The following DPP7 variants were observed in gnomAD, a reference collection of about 807,000 sequenced individuals.
DPP7 encodes dipeptidyl peptidase 2.
DPP7 carries 74 observed loss-of-function variants against 58.8 expected under a neutral mutation model. That is an observed-to-expected ratio of 1.26 (90% CI 1.04 to 1.53). DPP7 has a LOEUF of 1.53. DPP7 is among the 40% of genes most tolerant of loss of function. DPP7 has a pLI of 0.00. For missense variants in DPP7, 807 were observed against 692.3 expected (o/e 1.17, Z -1.86); for synonymous variants, 350 against 303.6 (o/e 1.15, Z -1.59).
Position 137,110,734 on chromosome 9 carries a change from C to T in DPP7, c.1393G>A (p.Glu465Lys), listed in dbSNP as rs1040290823. The T allele has an allele frequency of 1.9e-6, 3 of 1,607,070 alleles. No homozygotes were observed. Among genetic ancestry groups the T allele is most frequent in the Non-Finnish European group, 2.5e-6 (3 of 1,179,922 alleles). ...ACCCACTCGCCGATGATGGTGGCCT[C>T]CAGCTTCCGCGCCTCAACCACGGAA... is the stretch of plus-strand genomic sequence containing the variant. Reference protein sequence around the residue: ...PASVVEARKLEATIIGEWVKA... With the variant: ...PASVVEARKLKATIIGEWVKA... The change falls in exon 13 of 13, where the codon GAG (glutamate) becomes AAG (lysine). Residue 465 changes from glutamate to lysine, a missense_variant. Glu to Lys is a moderately conservative substitution (Grantham distance 56). This residue lies in a region of DPP7 where 624 missense variants were observed against 531.2 expected (regional missense o/e 1.17). Transcript: ENST00000371579.
At chr9:137,114,173 CCCCCGCCCGCGA>C (rs1249823420) in intron 3 of DPP7, 58 bp downstream of exon 3, 11 of 521,442 alleles carry the variant, frequency 2.1e-5, no homozygotes, top group Admixed American at 1.3e-4. Flanking sequence ...TGCCCCGCGA[CCCCCGCCCGCGA>C]CCCCGCCCGG....
Position 137,113,001 on chromosome 9 carries a change from G to A in DPP7, c.822C>T (p.Tyr274=), listed in dbSNP as rs759225356. Residue 274 remains tyrosine (Y), a synonymous_variant, in exon 7 of 13, where the codon TAC becomes TAT. Transcript: ENST00000371579. ...GACCCAGGAAGTCAGTGGGGTAGGGGTAGTCCATCATGGCCAGCACGGTGA... is the reference window on the plus strand; with the variant it reads ...GACCCAGGAAGTCAGTGGGGTAGGGATAGTCCATCATGGCCAGCACGGTGA... The part of the protein sequence containing the change: ...NAFTVLAMMD[Y]PYPTDFLGPL... 4 of 1,613,744 alleles carry A rather than the reference G, an allele frequency of 2.5e-6. No homozygotes were observed. Among genetic ancestry groups the A allele is most frequent in the Non-Finnish European group, 3.4e-6 (4 of 1,180,024 alleles).
Position 137,114,556 on chromosome 9 carries a change from C to CG in DPP7, c.87dup (p.Gly30ArgfsTer181). ...TGCTGGAAGAAGCGCTCCTGGAAGC[C>CG]GGGGTCCGGGGCCCTGCGGGCTGTG... On this transcript the variant is annotated frameshift_variant, in exon 2 of 13. Transcript: ENST00000371579. LOFTEE classifies it high-confidence loss of function. 1 of 1,558,828 alleles carries CG rather than the reference C, an allele frequency of 6.4e-7. No individual in the cohort carries two copies. The highest frequency in any genetic ancestry group is 8.7e-7 in the Non-Finnish European group (1 of 1,153,776).
At chr9:137,111,563 C>T (rs1831366332) in intron 11 of DPP7, 127 bp downstream of exon 11, 1 of 1,025,214 alleles carries the variant, frequency 9.8e-7, no homozygotes, top group African/African-American at 1.6e-5. Context: ...GCTTGAGCCT[C>T]AGAGGTCAAG....
chr9:137,118,128 C>T (rs1175728320), upstream of DPP7, among the ~76,000 whole-genome samples: 2 of 152,132 alleles, frequency 1.3e-5, no homozygotes, highest in South Asian at 4.2e-4. Flanking sequence ...GCTGAGATTA[C>T]AGGCACCCAC....
rs149969014 is a variant in DPP7, at chr9:137,110,924, G to C, written c.1299C>G (p.Val433=). The change falls in exon 12 of 13, where the codon GTC becomes GTG. Residue 433 remains valine, a synonymous_variant. Transcript: ENST00000371579. ...GGIRRNLSAS[V]IAVTIQGGAH... is the part of the protein sequence containing the mutation. ...CTCCCCCCTGGATGGTGACGGCGAT[G>C]ACTGAGGCACTCAGGTTCCTCCGAA... The C allele has an allele frequency of 3.8e-4, 615 of 1,613,126 alleles. 5 individuals carry two copies. The East Asian group carries it at 4.9e-3, about 13-fold the overall frequency.
Position 137,112,725 on chromosome 9 carries a change from T to G in DPP7, c.931+20A>C, listed in dbSNP as rs760136963. Reference sequence around the variant, plus strand: ...CCTGGGGTCTCCACACTTGCCCATCTGGGGCCGGGGGAAGGGCACCTGCCA... The same window carrying G: ...CCTGGGGTCTCCACACTTGCCCATCGGGGGCCGGGGGAAGGGCACCTGCCA... On this transcript the variant is annotated intron_variant, in intron 8 of 12. Coordinates refer to ENST00000371579, the MANE Select transcript of DPP7 (RefSeq NM_013379.3). The G allele has an allele frequency of 1.3e-6, 2 of 1,587,880 alleles. No homozygotes were observed. The highest frequency in any genetic ancestry group is 4.6e-5 in the East Asian group (2 of 43,828).
At chr9:137,117,879 T>C (rs1358553864), upstream of DPP7, among the ~76,000 whole-genome samples, 1 of 152,156 alleles carries the variant, frequency 6.6e-6, no homozygotes, top group Admixed American at 6.5e-5. Context: ...CAGTAGAAAC[T>C]GTAGCCATTA....
chr9:137,113,715 C>T (rs1420999295), intron 4 of DPP7, 150 bp downstream of exon 4: 21 of 1,420,798 alleles, frequency 1.5e-5, no homozygotes, highest in East Asian at 2.5e-5. Flanking sequence ...GGGAGGGCTT[C>T]CTGGGGGAGG....
In DPP7 at chr9:137,112,742, C is replaced by T. The variant is rs745622423; in HGVS notation, c.931+3G>A. 2 of 1,598,778 alleles carry T rather than the reference C, an allele frequency of 1.3e-6. No homozygotes were observed. Among genetic ancestry groups the T allele is most frequent in the Admixed American group, 1.7e-5 (1 of 58,452 alleles). On this transcript the variant is annotated splice_donor_region_variant and intron_variant, in intron 8 of 12. Transcript: ENST00000371579. Reference sequence around the variant, plus strand: ...TGCCCATCTGGGGCCGGGGGAAGGGCACCTGCCAGTGCTCGCAGCCCCGTG... The same window carrying T: ...TGCCCATCTGGGGCCGGGGGAAGGGTACCTGCCAGTGCTCGCAGCCCCGTG...
rs1831512532 is a variant in DPP7 at position 137,114,033 on chromosome 9, G to A, written c.322-5C>T. The A allele has an allele frequency of 6.9e-7, 1 of 1,454,178 alleles. No homozygotes were observed. The highest frequency in any genetic ancestry group is 2.1e-4 in the Middle Eastern group (1 of 4,792). 90.1% of individuals were successfully genotyped at this position (1,454,178 alleles called of 1,614,324 possible). A position where few individuals can be genotyped will look rare whatever the true frequency, so the allele number is the denominator to read the frequency against. The stretch of plus-strand genomic sequence containing the variant: ...CAGCGACTTCCCGTAGTAGCGCTGG[G>A]GGAACGTGCCATTGAGCCCGGCCCC... On this transcript the variant is annotated splice_region_variant and splice_polypyrimidine_tract_variant and intron_variant, in intron 3 of 12. Coordinates refer to ENST00000371579, the MANE Select transcript of DPP7 (RefSeq NM_013379.3).
chr9:137,117,190 AG>A (rs993654691), upstream of DPP7, among the ~76,000 whole-genome samples: 5 of 152,302 alleles, frequency 3.3e-5, no homozygotes, highest in African/African-American at 9.6e-5. Flanking sequence ...CCACCTGACG[AG>A]AAACACCCAC....
intron 4 of DPP7, 83 bp downstream of exon 4, chr9:137,113,782 C>G: frequency 7.5e-7 from 1 of 1,331,774 alleles, no homozygotes; most frequent in Non-Finnish European, 9.7e-7. Context: ...CGGTGGGAGT[C>G]AGAGGGGAGT....
At chr9:137,115,593 C>G (rs914523585), upstream of DPP7, among the ~76,000 whole-genome samples, 1 of 152,156 alleles carries the variant, frequency 6.6e-6, no homozygotes, top group African/African-American at 2.4e-5. Context: ...CCCAAGACTA[C>G]CCTCGGCCAG....
chr9:137,113,376 G>A lies in DPP7; in HGVS notation c.606C>T (p.Phe202=), dbSNP rs762465172. ...CCTCACTCACCGCCGTGACGTCCCG[G>A]AAGAACTGGTTGGAGTCGCCGAGGC... ...VAGLGDSNQF[F]RDVTADFEGQ... Residue 202 remains phenylalanine, a synonymous_variant, in exon 5 of 13, where the codon TTC becomes TTT. Transcript: ENST00000371579. 2.5e-6 allele frequency: 4 copies of A among 1,610,658 alleles called. No homozygotes were observed. Among genetic ancestry groups the A allele is most frequent in the African/African-American group, 2.7e-5 (2 of 74,854 alleles).
chr9:137,112,556 A>C (rs1831423503), intron 8 of DPP7, 189 bp downstream of exon 8: 5 of 749,416 alleles, frequency 6.7e-6, no homozygotes, highest in Non-Finnish European at 1.1e-5. Flanking sequence ...CAGTGCTGAG[A>C]GGGTCCCCAG....
rs768486877 is a variant in DPP7, at chr9:137,112,175, G to A, written c.987C>T (p.Tyr329=). Residue 329 remains tyrosine, a synonymous_variant, in exon 9 of 13, where the codon TAC becomes TAT. Transcript: ENST00000371579. The part of the protein sequence containing the change: ...SEHCYDIYRL[Y]HSCADPTGCG... ...AGCCAGTGGGGTCAGCACAGCTGTG[G>A]TAGAGCCGGTAGATGTCGTAGCAGT... 1 of 1,607,918 alleles carries A rather than the reference G, an allele frequency of 6.2e-7. No individual in the cohort carries two copies. Among genetic ancestry groups the A allele is most frequent in the Non-Finnish European group, 8.5e-7 (1 of 1,179,694 alleles).
intron 6 of DPP7, 38 bp from the exon 7 acceptor site, chr9:137,113,157 G>A: frequency 6.2e-7 from 1 of 1,613,758 alleles, no homozygotes; most frequent in South Asian, 1.1e-5. Context: ...TTTGGGCATA[G>A]CTGGCGCTGG....
Position 137,110,907 on chromosome 9 carries a change from T to A in DPP7, c.1316A>T (p.Gln439Leu). 6.2e-7 allele frequency: 1 copy of A among 1,612,748 alleles called. No individual in the cohort carries two copies. The highest frequency in any genetic ancestry group is 8.5e-7 in the Non-Finnish European group (1 of 1,179,834). The change falls in exon 12 of 13, where the codon CAG becomes CTG. Residue 439 changes from glutamine (Q) to leucine (L), a missense_variant. Gln to Leu is a moderately radical substitution (Grantham distance 113). This residue lies in a region of DPP7 where 624 missense variants were observed against 531.2 expected (regional missense o/e 1.17). Transcript: ENST00000371579. ...LSASVIAVTI[Q>L]GGAHHLDLRA... ...GAGGTCGAGGTGGTGCGCTCCCCCC[T>A]GGATGGTGACGGCGATGACTGAGGC...
Sources: gnomAD v4.1 joint callset for allele counts (sites outside exome capture counted in the v4.1 genomes callset) on GRCh38, gnomAD v4.1.1 for gene constraint, gnomAD v4.1.1 regional missense constraint, MANE v1.5 for transcripts, NCBI Gene and HGNC (gene_info 2026-07-23, HGNC 2026-07-21) for gene names.